The following SMYD4 variants were observed in gnomAD, a reference collection of about 807,000 sequenced individuals.
SMYD4 encodes SET and MYND domain containing 4.
In SMYD4, 68 loss-of-function variants were observed where a neutral mutation model predicts 72.8. The observed-to-expected ratio is 0.93, with a 90% confidence interval of 0.77 to 1.14. The LOEUF (loss-of-function observed/expected upper bound fraction) is 1.14, where lower values mean the gene tolerates loss of function less well. Ranked by LOEUF, SMYD4 falls within the 50% of genes most tolerant of loss-of-function variation. The probability of loss-of-function intolerance (pLI) is 0.00; values close to 1 mark genes in which losing one functional copy is unlikely to be tolerated. For synonymous variants in SMYD4, 407 were observed against 388.6 expected (o/e 1.05, Z -0.56); for missense variants, 984 against 1,003.7 (o/e 0.98, Z 0.27).
Position 1,787,483 on chromosome 17 carries a change from A to G in SMYD4, c.1659T>C (p.Thr553=). The G allele has an allele frequency of 6.4e-7, 1 of 1,572,654 alleles. No homozygotes were observed. The highest frequency in any genetic ancestry group is 1.2e-5 in the South Asian group (1 of 85,398). The change falls in exon 6 of 11, where the codon ACT becomes ACC. Residue 553 remains threonine, a synonymous_variant. Coordinates refer to ENST00000305513, the MANE Select transcript of SMYD4 (RefSeq NM_052928.3). The part of the protein sequence containing the change: ...SPNTSVSFIS[T]VATIRASQRI... ...GCTGTGACGCCCGGATGGTGGCGAC[A>G]GTGCTAATGAAGGACACGCTGGTGT...
At chr17:1,806,948 TG>T (rs1487460132) in intron 3 of SMYD4, among the ~76,000 whole-genome samples, 1 of 151,832 alleles carries the variant, frequency 6.6e-6, no homozygotes, top group East Asian at 1.9e-4. Flanking sequence ...TGGAGTGCAG[TG>T]GGGTGATCTC....
In SMYD4 at chr17:1,781,361, A is replaced by C; in HGVS notation, c.2340T>G (p.Asp780Glu). The change falls in exon 11 of 11, where the codon GAT becomes GAG. Residue 780 changes from aspartate to glutamate, a missense_variant. Asp to Glu is a conservative substitution (Grantham distance 45). Coordinates refer to ENST00000305513, the MANE Select transcript of SMYD4 (RefSeq NM_052928.3). ...TCATCTTCTGGAGCTCCTGGATTTC[A>C]TCGTCCCATGGGCCACAGTGCAGCG... ...VLSLHCGPWD[D>E]EIQELQKMKS... 6.2e-7 allele frequency: 1 copy of C among 1,614,060 alleles called. No homozygotes were observed. Among genetic ancestry groups the C allele is most frequent in the Non-Finnish European group, 8.5e-7 (1 of 1,180,012 alleles).
At chr17:1,817,345 G>A (rs1910659828) in intron 2 of SMYD4, among the ~76,000 whole-genome samples, 1 of 147,218 alleles carries the variant, frequency 6.8e-6, no homozygotes, top group Non-Finnish European at 1.5e-5. Context: ...GCCTAAAACT[G>A]TTTTTTTTTG....
chr17:1,829,695 G>C (rs948784616), intron 1 of SMYD4, 31 bp downstream of exon 1: 5 of 159,224 alleles, frequency 3.1e-5, no homozygotes, highest in Non-Finnish European at 6.9e-5. Context: ...AGGTCTCAAG[G>C]AACAGCTTTA....
At chr17:1,818,234 TG>T (rs777958115) in intron 2 of SMYD4, among the ~76,000 whole-genome samples, 4 of 152,122 alleles carry the variant, frequency 2.6e-5, no homozygotes, top group Admixed American at 6.6e-5. Context: ...TCTAGAACTC[TG>T]GGGATGTAAA....
intron 2 of SMYD4, among the ~76,000 whole-genome samples, chr17:1,812,598 G>T (rs1205149058): frequency 7.0e-6 from 1 of 142,888 alleles, no homozygotes; most frequent in East Asian, 2.0e-4. Context: ...ACCCAGGCTG[G>T]AGTGCAGAAT....
intron 7 of SMYD4, among the ~76,000 whole-genome samples, chr17:1,785,921 G>A (rs1908665636): frequency 6.6e-6 from 1 of 152,188 alleles, no homozygotes; most frequent in Admixed American, 6.5e-5. Context: ...TGTGGCAGAG[G>A]GGAAACCTCC....
At position 1,804,719 on chromosome 17, in the gene SMYD4, C is replaced by A; in HGVS notation, c.280-4G>T. ...TAGGCCTTGAATGTGACACTCCCTGCAAAACAATGAACTGGTTAAAAGTAT... is the reference window on the plus strand; with the variant it reads ...TAGGCCTTGAATGTGACACTCCCTGAAAAACAATGAACTGGTTAAAAGTAT... On this transcript the variant is annotated splice_region_variant and splice_polypyrimidine_tract_variant and intron_variant, in intron 3 of 10. Coordinates refer to ENST00000305513, the MANE Select transcript of SMYD4 (RefSeq NM_052928.3). The A allele has an allele frequency of 1.2e-6, 2 of 1,612,602 alleles. No homozygotes were observed.
At position 1,800,269 on chromosome 17, in the gene SMYD4, A is replaced by G. The variant is rs1205219995; in HGVS notation, c.1125T>C (p.Ser375=). The change falls in exon 5 of 11, where the codon AGT becomes AGC. Residue 375 remains serine (S), a synonymous_variant. Coordinates refer to ENST00000305513, the MANE Select transcript of SMYD4 (RefSeq NM_052928.3). ...KIITKLCDKI[S]NKDICLPESN... is the part of the protein sequence containing the mutation. ...TTTCAGGTAAACAGATGTCCTTGTT[A>G]CTAATCTTATCACAAAGCTTCGTTA... The G allele has an allele frequency of 6.2e-7, 1 of 1,614,138 alleles. No homozygotes were observed. The highest frequency in any genetic ancestry group is 8.5e-7 in the Non-Finnish European group (1 of 1,180,038).
In SMYD4 at chr17:1,800,963, T is replaced by C. The variant is rs2151235224; in HGVS notation, c.431A>G (p.Lys144Arg). 1 of 1,614,128 alleles carries C rather than the reference T, an allele frequency of 6.2e-7. No individual in the cohort carries two copies. The highest frequency in any genetic ancestry group is 1.1e-5 in the South Asian group (1 of 91,092). ...ACATTCTGCTTTACGTAACATAATCTTGGGTTGCAACCTTTCTGGATACCC... is the reference window on the plus strand; with the variant it reads ...ACATTCTGCTTTACGTAACATAATCCTGGGTTGCAACCTTTCTGGATACCC... ...THGYPERLQPKIMLRKAECLV... is the reference protein window; with the variant it reads ...THGYPERLQPRIMLRKAECLV... The change falls in exon 5 of 11, where the codon AAG becomes AGG. Residue 144 changes from lysine (K) to arginine (R), a missense_variant. Lys to Arg is a conservative substitution (Grantham distance 26). Coordinates refer to ENST00000305513, the MANE Select transcript of SMYD4 (RefSeq NM_052928.3).
At chr17:1,812,818 G>A (rs1222821632) in intron 2 of SMYD4, among the ~76,000 whole-genome samples, 1 of 152,046 alleles carries the variant, frequency 6.6e-6, no homozygotes, top group African/African-American at 2.4e-5. Flanking sequence ...CAAAGTGCTG[G>A]GAATACAGGC....
At chr17:1,817,167 AGCC>A (rs1910647609) in intron 2 of SMYD4, among the ~76,000 whole-genome samples, 1 of 151,508 alleles carries the variant, frequency 6.6e-6, no homozygotes, top group South Asian at 2.1e-4. Context: ...CCTCCCGAGT[AGCC>A]GGGATTACAG....
chr17:1,829,330 C>T (rs1911393926), intron 1 of SMYD4: 1 of 152,364 alleles, frequency 6.6e-6, no homozygotes. Flanking sequence ...GCTACTCATG[C>T]TTTCCGGACC....
chr17:1,821,520 A>C (rs540716296), intron 2 of SMYD4, among the ~76,000 whole-genome samples: 2 of 152,242 alleles, frequency 1.3e-5, no homozygotes, highest in Admixed American at 6.5e-5. Context: ...GTCTCAAAAA[A>C]ACAAAAACAA....
chr17:1,803,952 T>C (rs1308686286), intron 4 of SMYD4, among the ~76,000 whole-genome samples: 1 of 151,456 alleles, frequency 6.6e-6, no homozygotes, highest in Non-Finnish European at 1.5e-5. Context: ...CTGGGCTCAC[T>C]GCAACCTCTG....
chr17:1,783,532 G>A, intron 8 of SMYD4, 56 bp from the exon 9 acceptor site: 1 of 1,548,954 alleles, frequency 6.5e-7, no homozygotes, highest in Non-Finnish European at 8.7e-7. Context: ...TCCTAGGAAT[G>A]AGAATCCAGG....
intron 2 of SMYD4, among the ~76,000 whole-genome samples, chr17:1,817,553 C>G (rs1030373271): frequency 6.6e-6 from 1 of 152,016 alleles, no homozygotes; most frequent in Non-Finnish European, 1.5e-5. Flanking sequence ...AGGCTGGTCT[C>G]GAACTCCTGG....
At chr17:1,802,832 C>T (rs576372436) in intron 4 of SMYD4, among the ~76,000 whole-genome samples, 11 of 152,292 alleles carry the variant, frequency 7.2e-5, no homozygotes, top group Non-Finnish European at 1.5e-4. Flanking sequence ...AACATTAATC[C>T]GATTTTGGTC....
At chr17:1,785,439 G>GAA (rs56261871) in intron 7 of SMYD4, among the ~76,000 whole-genome samples, 16,322 of 124,422 alleles carry the variant, frequency 0.13, 1,976 homozygotes, top group African/African-American at 0.32. Context: ...AAAAGAAAAA[G>GAA]AAAAAAAAAA....
Sources: allele counts gnomAD v4.1 joint callset (sites outside exome capture counted in the v4.1 genomes callset), GRCh38; gene constraint gnomAD v4.1.1; transcripts MANE v1.5; gene names NCBI Gene and HGNC (gene_info 2026-07-23, HGNC 2026-07-21).